Variants in CCZ1B observed in about 807,000 individuals in gnomAD.
CCZ1B encodes vacuolar fusion protein CCZ1 homolog B.
CCZ1B carries 25 observed loss-of-function variants against 58.8 expected under a neutral mutation model. The observed-to-expected ratio is 0.43, with a 90% confidence interval of 0.31 to 0.59. The LOEUF is 0.59. Ranked by LOEUF, CCZ1B falls within the 20% of genes least tolerant of loss-of-function variation. The pLI, the probability that CCZ1B is intolerant of heterozygous loss-of-function variation, is 0.12. For missense variants in CCZ1B, 180 were observed against 501.5 expected, an observed-to-expected ratio of 0.36 and a Z score of 6.12; for synonymous variants, 66 against 173.2, an observed-to-expected ratio of 0.38 and a Z score of 4.86.
At position 6,813,004 on chromosome 7, in the gene CCZ1B, T is replaced by G. The variant is rs1174369223; in HGVS notation, c.814A>C (p.Met272Leu). Residue 272 changes from methionine to leucine, a missense_variant, in exon 9 of 15, where the codon ATG becomes CTG. By Grantham distance (15) the Met-to-Leu change is conservative. Coordinates refer to ENST00000316731, the MANE Select transcript of CCZ1B (RefSeq NM_198097.5). ...CCATAGTGTTGAAGATTTCCTGGCATTTCTGCTCTTATTGGAGAATCCCTT... is the reference window on the plus strand; with the variant it reads ...CCATAGTGTTGAAGATTTCCTGGCAGTTCTGCTCTTATTGGAGAATCCCTT... ...AGRDSPIRAEMPGNLQHYGRF... is the reference protein window; with the variant it reads ...AGRDSPIRAELPGNLQHYGRF... The G allele has an allele frequency of 3.2e-6, 5 of 1,584,586 alleles. No homozygotes were observed. Among genetic ancestry groups the G allele is most frequent in the Non-Finnish European group, 4.3e-6 (5 of 1,161,374 alleles).
chr7:6,799,208 G>A lies in CCZ1B; in HGVS notation c.*16C>T, dbSNP rs199812517. 2.1e-4 allele frequency: 187 copies of A among 870,674 alleles called. 21 individuals are homozygous for A. Among genetic ancestry groups the A allele is most frequent in the African/African-American group, 1.0e-3 (33 of 31,670 alleles). The allele number at this position is 870,674 out of a possible 1,614,324, so 53.9% of individuals were successfully genotyped here. ...CAGAGTGTTTTTTAGATATGCTCTC[G>A]GTGAGCCGTCATCCGTCAATCCAAG... On this transcript the variant is annotated 3_prime_UTR_variant, in exon 15 of 15. Transcript: ENST00000316731.
chr7:6,810,783 G>T (rs553272093), intron 10 of CCZ1B, among the ~76,000 whole-genome samples: 2 of 149,236 alleles, frequency 1.3e-5, no homozygotes. Context: ...CTAATTAGTG[G>T]ATACTAATTT....
chr7:6,809,196 T>TA (rs1782882864), intron 10 of CCZ1B, among the ~76,000 whole-genome samples: 1 of 119,306 alleles, frequency 8.4e-6, no homozygotes, highest in Non-Finnish European at 1.7e-5. Flanking sequence ...GTAGTACTTC[T>TA]AGAGAACTCT....
intron 10 of CCZ1B, among the ~76,000 whole-genome samples, chr7:6,808,213 G>A (rs2528339): frequency 0.047 from 5,705 of 120,798 alleles, 84 homozygotes; most frequent in African/African-American, 0.067. Flanking sequence ...CCCCCAATCA[G>A]ATCTCTGGAT....
chr7:6,819,774 C>T lies in CCZ1B; in HGVS notation c.690G>A (p.Gln230=), dbSNP rs777655595. ...VKYTAFLYND[Q]LIWSGLEQDD... ...CCTCGGGGTGTACCTACCAGATGAG[C>T]TGATCGTTATAGAGAAAAGCAGTGT... is the stretch of plus-strand genomic sequence containing the variant. Residue 230 remains glutamine, a synonymous_variant, in exon 7 of 15, where the codon CAG becomes CAA. Coordinates refer to ENST00000316731, the MANE Select transcript of CCZ1B (RefSeq NM_198097.5). 2.6e-6 allele frequency: 4 copies of T among 1,521,174 alleles called. No homozygotes were observed. Among genetic ancestry groups the T allele is most frequent in the Non-Finnish European group, 2.7e-6 (3 of 1,113,930 alleles). 94.2% of individuals were successfully genotyped at this position (1,521,174 alleles called of 1,614,324 possible).
At chr7:6,817,176 G>A (rs1209972701) in intron 7 of CCZ1B, among the ~76,000 whole-genome samples, 6 of 152,072 alleles carry the variant, frequency 3.9e-5, no homozygotes, top group Non-Finnish European at 8.8e-5. Flanking sequence ...CACCAGAGCT[G>A]TGCCCTGCTC....
intron 1 of CCZ1B, among the ~76,000 whole-genome samples, chr7:6,825,665 C>A (rs796835204): frequency 0.018 from 2,001 of 108,900 alleles, 1 homozygote; most frequent in South Asian, 0.055. Context: ...ACACACACAC[C>A]CCTCCCGAAA....
At chr7:6,820,525 T>C (rs1224732103) in intron 6 of CCZ1B, among the ~76,000 whole-genome samples, 3 of 148,558 alleles carry the variant, frequency 2.0e-5, no homozygotes, top group African/African-American at 7.6e-5. Flanking sequence ...CTATGTTGCC[T>C]AGGCTGGTCT....
At chr7:6,821,231 C>G (rs146879284) in intron 6 of CCZ1B, among the ~76,000 whole-genome samples, 1 of 149,750 alleles carries the variant, frequency 6.7e-6, no homozygotes, top group Non-Finnish European at 1.5e-5. Context: ...AGGCTGGTCT[C>G]GAACTCATGA....
intron 5 of CCZ1B, 33 bp from the exon 6 acceptor site, chr7:6,822,397 C>T: frequency 2.5e-6 from 4 of 1,580,838 alleles, no homozygotes; most frequent in South Asian, 1.2e-5. Context: ...AAAAAAAAAT[C>T]AGTTTCCTAT....
At chr7:6,804,379 A>T (rs1782806448) in intron 12 of CCZ1B, among the ~76,000 whole-genome samples, 1 of 127,894 alleles carries the variant, frequency 7.8e-6, no homozygotes. Flanking sequence ...GCCAAGATCA[A>T]GCCACTGCAC....
chr7:6,820,703 C>T (rs1437387153), intron 6 of CCZ1B, among the ~76,000 whole-genome samples: 1 of 148,742 alleles, frequency 6.7e-6, no homozygotes, highest in East Asian at 2.0e-4. Context: ...GGGCACATCA[C>T]TTGAGGTCAG....
chr7:6,801,866 G>A (rs1310391622), intron 12 of CCZ1B, among the ~76,000 whole-genome samples: 9 of 115,358 alleles, frequency 7.8e-5, no homozygotes, highest in African/African-American at 1.6e-4. Flanking sequence ...GAGCCCCCGC[G>A]CCCGGCCCTG....
At position 6,819,699 on chromosome 7, in the gene CCZ1B, A is replaced by G. The variant is rs1273909961; in HGVS notation, c.698+67T>C. On this transcript the variant is annotated intron_variant, in intron 7 of 14. Coordinates refer to ENST00000316731, the MANE Select transcript of CCZ1B (RefSeq NM_198097.5). ...GTTCCTGTTTGACAACCTGTCATCA[A>G]TCCAGTCACTGCTGTTTTTATTATC... 14 of 913,060 alleles carry G rather than the reference A, an allele frequency of 1.5e-5. 1 individual carries two copies. In the Middle Eastern group the frequency reaches 1.0e-3, roughly 67 times the overall value. The allele number at this position is 913,060 out of a possible 1,614,324, so 56.6% of individuals were successfully genotyped here. A position where few individuals can be genotyped will look rare whatever the true frequency, so the allele number is the denominator to read the frequency against.
At chr7:6,819,123 G>GAAA (rs1173368085) in intron 7 of CCZ1B, among the ~76,000 whole-genome samples, 1,448 of 65,650 alleles carry the variant, frequency 0.022, 53 homozygotes, top group Admixed American at 0.037. Context: ...ATCTCTATAA[G>GAAA]AAAAAAAAAA....
Position 6,822,279 on chromosome 7 carries a change from A to G in CCZ1B, c.522+2T>C. 1 of 1,581,092 alleles carries G rather than the reference A, an allele frequency of 6.3e-7. No individual in the cohort carries two copies. Among genetic ancestry groups the G allele is most frequent in the East Asian group, 2.2e-5 (1 of 44,790 alleles). On this transcript the variant is annotated splice_donor_variant, in intron 6 of 14. Coordinates refer to ENST00000316731, the MANE Select transcript of CCZ1B (RefSeq NM_198097.5). LOFTEE classifies it high-confidence loss of function. ...GTTATAAATGAAATTCAAAATACTT[A>G]CCCGATGGAAGAATTTCTCTAATCT...
intron 7 of CCZ1B, among the ~76,000 whole-genome samples, chr7:6,818,731 G>GA (rs1355005447): frequency 6.8e-6 from 1 of 146,750 alleles, no homozygotes; most frequent in African/African-American, 2.6e-5. Context: ...AAGAAAGAAA[G>GA]AAAGAAAGAG....
At chr7:6,820,698 C>A (rs1783095163) in intron 6 of CCZ1B, among the ~76,000 whole-genome samples, 1 of 148,774 alleles carries the variant, frequency 6.7e-6, no homozygotes, top group East Asian at 2.0e-4. Context: ...AAGGCGGGCA[C>A]ATCACTTGAG....
Position 6,821,771 on chromosome 7 carries a change from C to T in CCZ1B, c.522+510G>A, listed in dbSNP as rs1340283407. On this transcript the variant is annotated intron_variant, in intron 6 of 14. Transcript: ENST00000316731. ...GCTTGACAAGGTAGGGTGAAACATG[C>T]AAAATTCAATTACAACGAAAGAGGA... 5.3e-5 allele frequency among the ~76,000 whole-genome samples: 8 copies of T among 151,070 alleles called. No individual in the cohort carries two copies. In the South Asian group the frequency reaches 1.0e-3, roughly 20 times the overall value.
Sources: gnomAD v4.1 joint callset for allele counts (sites outside exome capture counted in the v4.1 genomes callset) on GRCh38, gnomAD v4.1.1 for gene constraint, MANE v1.5 for transcripts, NCBI Gene and HGNC (gene_info 2026-07-23, HGNC 2026-07-21) for gene names.